The following PTOV1 variants were observed in gnomAD, a reference collection of about 807,000 sequenced individuals.
PTOV1 encodes the protein PTOV1 extended AT-hook containing adaptor protein.
PTOV1 carries 20 observed loss-of-function variants against 58.0 expected under a neutral mutation model. That is an observed-to-expected ratio of 0.34 (90% confidence interval 0.24 to 0.50). The LOEUF (loss-of-function observed/expected upper bound fraction) is 0.50, where lower values mean the gene tolerates loss of function less well. Ranked by LOEUF, PTOV1 falls within the 20% of genes least tolerant of loss-of-function variation. The pLI is 0.98. For synonymous variants in PTOV1, 335 were observed against 234.2 expected (o/e 1.43, Z -3.93); for missense variants, 593 against 565.4 (o/e 1.05, Z -0.50).
exon 12 of PTOV1, chr19:49,860,381 TGG>T: frequency 3.1e-6 from 1 of 321,182 alleles, no homozygotes. Context: ...CTGGGGCATG[TGG>T]GGGGGGTGGG....
In PTOV1 at chr19:49,855,210, C is replaced by T. The variant is rs1239714337; in HGVS notation, c.558+133C>T. The T allele has an allele frequency of 1.9e-5, 16 of 828,684 alleles. No individual in the cohort carries two copies. In the East Asian group the frequency reaches 3.8e-4, roughly 19 times the overall value. The allele number at this position is 828,684 out of a possible 1,614,324, so 51.3% of individuals were successfully genotyped here. ...GGGTAGCCCTCGTGGCCTCTCGGAC[C>T]CCATCTGGAAATGACTGACTCCAGG... On this transcript the variant is annotated intron_variant, in intron 5 of 11. Coordinates refer to ENST00000391842, the Ensembl canonical transcript of PTOV1.
In PTOV1 at chr19:49,857,007, CT is replaced by C. The variant is rs1326782821; in HGVS notation, c.592del (p.Cys198ValfsTer90). 1 of 1,613,756 alleles carries C rather than the reference CT, an allele frequency of 6.2e-7. No homozygotes were observed. Among genetic ancestry groups the C allele is most frequent in the South Asian group, 1.1e-5 (1 of 91,062 alleles). On this transcript the variant is annotated frameshift_variant, in exon 6 of 12. Coordinates refer to ENST00000391842, the Ensembl canonical transcript of PTOV1. LOFTEE classifies it high-confidence loss of function. ...GCATGCTGTTCCCCCACATCTCCCCCTGTGAGGTGCGCGTGCTCATGCTCCT... is the reference window on the plus strand; with the variant it reads ...GCATGCTGTTCCCCCACATCTCCCCCGTGAGGTGCGCGTGCTCATGCTCCT...
Position 49,854,984 on chromosome 19 carries a change from C to T in PTOV1, c.465C>T (p.Pro155=), listed in dbSNP as rs369735927. Residue 155 remains proline, a synonymous_variant, in exon 5 of 12, where the codon CCC becomes CCT. Transcript: ENST00000391842. ...GTCGCCCCCAGACCACCCTGGGCCCCCTGTTCCGGAACTCCCAGTTGGCAC... is the reference window on the plus strand; with the variant it reads ...GTCGCCCCCAGACCACCCTGGGCCCTCTGTTCCGGAACTCCCAGTTGGCAC... 1.9e-6 allele frequency: 3 copies of T among 1,599,570 alleles called. No individual in the cohort carries two copies. In the African/African-American group the frequency reaches 4.0e-5, roughly 21 times the overall value.
intron 1 of PTOV1, 75 bp downstream of exon 1, chr19:49,851,574 G>A: frequency 8.2e-6 from 8 of 972,540 alleles, no homozygotes; most frequent in Non-Finnish European, 1.0e-5. Context: ...TCACGCCTTT[G>A]TCCGCAGCCC....
chr19:49,852,219 C>G (rs1600355585), intron 1 of PTOV1: 3 of 351,428 alleles, frequency 8.5e-6, no homozygotes, highest in African/African-American at 2.2e-5. Context: ...GGTTCGCGCT[C>G]GGGTCCGCTT....
At chr19:49,858,528 G>A in intron 9 of PTOV1, 21 bp from the exon 10 acceptor site, 1 of 1,564,504 alleles carries the variant, frequency 6.4e-7, no homozygotes, top group Non-Finnish European at 8.7e-7. Flanking sequence ...CAGAGCTGGG[G>A]GTCCCCTCGC....
chr19:49,860,306 G>A, exon 12 of PTOV1: 1 of 1,605,704 alleles, frequency 6.2e-7, no homozygotes, highest in Non-Finnish European at 8.5e-7. Flanking sequence ...GGCCCCTCCA[G>A]GAGTCACAGA....
At chr19:49,858,767 GGA>G (rs922384868) in intron 10 of PTOV1, 114 bp downstream of exon 10, 1 of 913,070 alleles carries the variant, frequency 1.1e-6, no homozygotes, top group Non-Finnish European at 1.7e-6. Context: ...GACCAGCTGG[GGA>G]GAGAGGGTGG....
chr19:49,851,582 C>A, intron 1 of PTOV1, 83 bp downstream of exon 1: 1 of 1,032,254 alleles, frequency 9.7e-7, no homozygotes, highest in African/African-American at 1.7e-5. Flanking sequence ...TTGTCCGCAG[C>A]CCCCGCCGCT....
chr19:49,859,314 G>A (rs1173473140), intron 10 of PTOV1: 1 of 152,906 alleles, frequency 6.5e-6, no homozygotes, highest in Non-Finnish European at 1.5e-5. Flanking sequence ...TCAGGGGCCG[G>A]GTGCGGTGGC....
exon 1 of PTOV1, chr19:49,851,413 G>C: frequency 8.3e-7 from 1 of 1,203,702 alleles, no homozygotes; most frequent in Non-Finnish European, 1.0e-6. Context: ...GCCCCTCGTG[G>C]TGCGCGCCGT....
At chr19:49,856,728 C>T (rs1454919236) in intron 5 of PTOV1, 2 of 508,030 alleles carry the variant, frequency 3.9e-6, no homozygotes, top group African/African-American at 1.9e-5. Flanking sequence ...GTAGTGCCTT[C>T]TTGGCATTCT....
At chr19:49,858,974 A>G in intron 10 of PTOV1, 1 of 248,512 alleles carries the variant, frequency 4.0e-6, no homozygotes, top group Non-Finnish European at 7.9e-6. Flanking sequence ...CCACATCCCA[A>G]AGGCCCATTG....
exon 6 of PTOV1, chr19:49,857,129 A>C (rs767397093): frequency 1.2e-6 from 2 of 1,613,980 alleles, no homozygotes; most frequent in Non-Finnish European, 1.7e-6. Context: ...ACCCGCAAGC[A>C]GGTGTGCCAG....
Position 49,851,843 on chromosome 19 carries a change from G to A in PTOV1, c.171+344G>A, listed in dbSNP as rs1430488495. On this transcript the variant is annotated intron_variant, in intron 1 of 11. Transcript: ENST00000391842. ...CCTATTGGAGAGTTGCTCGCTCTCCGGGCAGGAAACCTGGAAATGGGGGCG... is the reference window on the plus strand; with the variant it reads ...CCTATTGGAGAGTTGCTCGCTCTCCAGGCAGGAAACCTGGAAATGGGGGCG... 6.0e-6 allele frequency: 6 copies of A among 992,772 alleles called. No individual in the cohort carries two copies. In the East Asian group the frequency reaches 4.2e-4, roughly 70 times the overall value. The allele number at this position is 992,772 out of a possible 1,614,324, so 61.5% of individuals were successfully genotyped here. A position where few individuals can be genotyped will look rare whatever the true frequency, so the allele number is the denominator to read the frequency against.
Position 49,860,261 on chromosome 19 carries a change from G to T in PTOV1, c.1240-7G>T. 1 of 1,613,650 alleles carries T rather than the reference G, an allele frequency of 6.2e-7. No homozygotes were observed. Among genetic ancestry groups the T allele is most frequent in the Non-Finnish European group, 8.5e-7 (1 of 1,179,792 alleles). ...GCTCACCACTGGCCTCTGATTTCTC[G>T]CCGTAGATGGGGGGGTAGTGGTTAC... is the stretch of plus-strand genomic sequence containing the variant. On this transcript the variant is annotated splice_region_variant and splice_polypyrimidine_tract_variant and intron_variant, in intron 11 of 11. Coordinates refer to ENST00000391842, the Ensembl canonical transcript of PTOV1.
chr19:49,858,929 C>T (rs1001842698), intron 10 of PTOV1: 7 of 344,606 alleles, frequency 2.0e-5, no homozygotes, highest in South Asian at 1.5e-4. Context: ...CAGGGACAGG[C>T]GCCCTTGTCA....
chr19:49,851,505 C>A lies in PTOV1; in HGVS notation c.171+6C>A. 2.7e-6 allele frequency: 3 copies of A among 1,115,686 alleles called. No individual in the cohort carries two copies. Among genetic ancestry groups the A allele is most frequent in the Non-Finnish European group, 3.3e-6 (3 of 899,422 alleles). The allele number at this position is 1,115,686 out of a possible 1,614,324, so 69.1% of individuals were successfully genotyped here. A position where few individuals can be genotyped will look rare whatever the true frequency, so the allele number is the denominator to read the frequency against. On this transcript the variant is annotated splice_donor_region_variant and intron_variant, in intron 1 of 11. Transcript: ENST00000391842. The stretch of plus-strand genomic sequence containing the variant: ...CCCGCTCGGCCCCTCCCATGGTGAG[C>A]CCCCCGCCCTTTTTCCAGAGCCTTC...
At chr19:49,859,860 T>TG (rs1257980836) in intron 10 of PTOV1, 126 bp from the exon 11 acceptor site, 45 of 1,005,736 alleles carry the variant, frequency 4.5e-5, no homozygotes, top group Admixed American at 1.8e-4. Flanking sequence ...CCAGGGTGGG[T>TG]GGGGGGTGTG....
Sources: gnomAD v4.1 joint callset for allele counts on GRCh38, gnomAD v4.1.1 for gene constraint, MANE v1.5 for transcripts, NCBI Gene and HGNC (gene_info 2026-07-23, HGNC 2026-07-21) for gene names.